N4BP2L1: variants seen among roughly 807,000 people sequenced by gnomAD.
N4BP2L1 encodes NEDD4-binding protein 2-like 1.
In N4BP2L1, 12 loss-of-function variants were observed where a neutral mutation model predicts 21.2. That is an observed-to-expected ratio of 0.57 (90% confidence interval 0.36 to 0.92). The LOEUF (loss-of-function observed/expected upper bound fraction) is 0.92. Among genes scored for constraint, N4BP2L1 ranks in the 40% least tolerant of loss-of-function variants. The pLI, the probability that N4BP2L1 is intolerant of heterozygous loss-of-function variation, is 0.01. For synonymous variants in N4BP2L1, 104 were observed against 112.8 expected (o/e 0.92, Z 0.49); for missense variants, 259 against 310.6 (o/e 0.83, Z 1.25).
At chr13:32,414,812 T>C (rs922480745) in intron 1 of N4BP2L1, among the ~76,000 whole-genome samples, 1 of 152,192 alleles carries the variant, frequency 6.6e-6, no homozygotes, top group Non-Finnish European at 1.5e-5. Context: ...ACCGTTTGCA[T>C]GTGGGGCTGC....
chr13:32,402,898 A>G lies in N4BP2L1; in HGVS notation c.*44T>C. On this transcript the variant is annotated 3_prime_UTR_variant, in exon 5 of 5. Coordinates refer to ENST00000380130, the MANE Select transcript of N4BP2L1 (RefSeq NM_052818.3). ...AACAAAAAATAACAAAAACTGAAGTAGAAACTGACTTAGGAAAATTCTGCC... is the reference window on the plus strand; with the variant it reads ...AACAAAAAATAACAAAAACTGAAGTGGAAACTGACTTAGGAAAATTCTGCC... 1.3e-6 allele frequency: 2 copies of G among 1,519,868 alleles called. No individual in the cohort carries two copies. The highest frequency in any genetic ancestry group is 1.3e-5 in the South Asian group (1 of 75,536). The allele number at this position is 1,519,868 out of a possible 1,614,324, so 94.1% of individuals were successfully genotyped here. A position where few individuals can be genotyped will look rare whatever the true frequency, so the allele number is the denominator to read the frequency against.
intron 1 of N4BP2L1, chr13:32,420,373 CA>C (rs1221351924): frequency 6.6e-6 from 1 of 152,232 alleles, no homozygotes; most frequent in Non-Finnish European, 1.5e-5. Flanking sequence ...ACACCTACCT[CA>C]GTACTAATTT....
chr13:32,429,148 T>C (rs577752079), upstream of N4BP2L1, among the ~76,000 whole-genome samples: 1 of 152,218 alleles, frequency 6.6e-6, no homozygotes, highest in Non-Finnish European at 1.5e-5. Flanking sequence ...AAAGCAACTA[T>C]GAAAAAAGTG....
intron 1 of N4BP2L1, among the ~76,000 whole-genome samples, chr13:32,426,756 G>A (rs1467375741): frequency 6.6e-6 from 1 of 152,168 alleles, no homozygotes; most frequent in Non-Finnish European, 1.5e-5. Context: ...CAGCTACTAC[G>A]TGCCAGACAA....
chr13:32,421,232 TTACGTTCTA>T (rs2074459757), intron 1 of N4BP2L1, among the ~76,000 whole-genome samples: 1 of 152,196 alleles, frequency 6.6e-6, no homozygotes, highest in Non-Finnish European at 1.5e-5. Flanking sequence ...CTCATGAAGC[TTACGTTCTA>T]GTAAAAGAAA....
chr13:32,427,352 C>A (rs1292367929), intron 1 of N4BP2L1, among the ~76,000 whole-genome samples: 1 of 152,248 alleles, frequency 6.6e-6, no homozygotes, highest in Non-Finnish European at 1.5e-5. Flanking sequence ...CGCCCCGGGC[C>A]CCCACCCCCG....
At chr13:32,406,552 C>A (rs1267262590) in intron 3 of N4BP2L1, 2 of 152,102 alleles carry the variant, frequency 1.3e-5, no homozygotes, top group African/African-American at 4.8e-5. Flanking sequence ...TCACTGCAAC[C>A]TCCGCCTCCC....
chr13:32,428,079 C>A lies in N4BP2L1; in HGVS notation c.4G>T (p.Glu2Ter). The A allele has an allele frequency of 6.8e-7, 1 of 1,467,236 alleles. No homozygotes were observed. Among genetic ancestry groups the A allele is most frequent in the Non-Finnish European group, 9.0e-7 (1 of 1,108,768 alleles). The allele number at this position is 1,467,236 out of a possible 1,614,324, so 90.9% of individuals were successfully genotyped here. A position where few individuals can be genotyped will look rare whatever the true frequency, so the allele number is the denominator to read the frequency against. Residue 2 changes from glutamate (E) to a stop codon, truncating the protein, a stop_gained, in exon 1 of 5, where the codon GAG becomes TAG. Transcript: ENST00000380130. LOFTEE classifies it high-confidence loss of function. The stretch of plus-strand genomic sequence containing the variant: ...CCAAAAGATTGAAGGAAACTGTCCT[C>A]CATGGGCAGGAGGGCTGGCTGCGAG... M[E>*]DSFLQSFGRL...
At chr13:32,428,172 A>T (rs905439477), upstream of N4BP2L1, 12 of 1,296,722 alleles carry the variant, frequency 9.3e-6, no homozygotes, top group Non-Finnish European at 1.2e-5. Flanking sequence ...CTCTCCGGCC[A>T]TGTGATGGAT....
At chr13:32,425,865 T>C (rs2074732103) in intron 1 of N4BP2L1, 1 of 152,118 alleles carries the variant, frequency 6.6e-6, no homozygotes. Flanking sequence ...AAAAACTAGA[T>C]GACTGACCAA....
At chr13:32,424,404 C>CATT (rs2074650747) in intron 1 of N4BP2L1, among the ~76,000 whole-genome samples, 1 of 152,230 alleles carries the variant, frequency 6.6e-6, no homozygotes, top group Non-Finnish European at 1.5e-5. Flanking sequence ...CCTCCCCAGC[C>CATT]TTCACCACCA....
chr13:32,413,222 G>A (rs1012778296), intron 1 of N4BP2L1, among the ~76,000 whole-genome samples: 1 of 152,146 alleles, frequency 6.6e-6, no homozygotes, highest in Non-Finnish European at 1.5e-5. Flanking sequence ...CACCTCTCCT[G>A]GCCTAATGTT....
chr13:32,429,423 A>C (rs1304507164), upstream of N4BP2L1, among the ~76,000 whole-genome samples: 4 of 152,284 alleles, frequency 2.6e-5, no homozygotes, highest in African/African-American at 9.6e-5. Flanking sequence ...GGAACCCATA[A>C]GGAACAGAAA....
intron 3 of N4BP2L1, among the ~76,000 whole-genome samples, chr13:32,404,699 G>T (rs1406054483): frequency 6.6e-6 from 1 of 151,210 alleles, no homozygotes; most frequent in Admixed American, 6.6e-5. Context: ...CTGAACACCG[G>T]TATGAATGAA....
In N4BP2L1 at chr13:32,402,042, T is replaced by C; in HGVS notation, c.*900A>G. The C allele has an allele frequency of 1.0e-6, 1 of 985,484 alleles. No homozygotes were observed. Among genetic ancestry groups the C allele is most frequent in the Non-Finnish European group, 1.2e-6 (1 of 829,942 alleles). 61.0% of individuals were successfully genotyped at this position (985,484 alleles called of 1,614,324 possible). A position where few individuals can be genotyped will look rare whatever the true frequency, so the allele number is the denominator to read the frequency against. ...TGAGCATGGCTTTTATATATCCCTGTATGACCTATATCCTGGGGTGCCTAA... is the reference window on the plus strand; with the variant it reads ...TGAGCATGGCTTTTATATATCCCTGCATGACCTATATCCTGGGGTGCCTAA... On this transcript the variant is annotated 3_prime_UTR_variant, in exon 5 of 5. Transcript: ENST00000380130.
intron 3 of N4BP2L1, chr13:32,406,327 A>G (rs2073504459): frequency 6.6e-6 from 1 of 152,236 alleles, no homozygotes; most frequent in Non-Finnish European, 1.5e-5. Flanking sequence ...CTTCACAATT[A>G]AAGGATAATG....
chr13:32,428,618 G>C (rs1181767862), upstream of N4BP2L1, among the ~76,000 whole-genome samples: 1 of 152,208 alleles, frequency 6.6e-6, no homozygotes, highest in Non-Finnish European at 1.5e-5. Context: ...CCCAGGGCTT[G>C]TATCTTTTCT....
At chr13:32,415,068 A>G (rs1328318038) in intron 1 of N4BP2L1, among the ~76,000 whole-genome samples, 2 of 152,260 alleles carry the variant, frequency 1.3e-5, no homozygotes, top group African/African-American at 4.8e-5. Context: ...GGTGGCTTCA[A>G]TAAAATTAAA....
chr13:32,428,123 C>G lies in N4BP2L1; in HGVS notation c.-41G>C, dbSNP rs2074908104. 7.0e-7 allele frequency: 1 copy of G among 1,423,068 alleles called. No individual in the cohort carries two copies. Among genetic ancestry groups the G allele is most frequent in the South Asian group, 1.6e-5 (1 of 63,492 alleles). The allele number at this position is 1,423,068 out of a possible 1,614,324, so 88.2% of individuals were successfully genotyped here. On this transcript the variant is annotated 5_prime_UTR_variant, in exon 1 of 5. Coordinates refer to ENST00000380130, the MANE Select transcript of N4BP2L1 (RefSeq NM_052818.3). ...CTGCGAGAGCCCCGGGTTCCCTTTA[C>G]TGAAGTCACGGTCTTGGCCAAAGCT...
Sources: gnomAD v4.1 joint callset for allele counts (sites outside exome capture counted in the v4.1 genomes callset) on GRCh38, gnomAD v4.1.1 for gene constraint, MANE v1.5 for transcripts, NCBI Gene and HGNC (gene_info 2026-07-23, HGNC 2026-07-21) for gene names.